The following TMEM209 variants were observed in gnomAD, a reference collection of about 807,000 sequenced individuals.
TMEM209 encodes transmembrane protein 209.
Under a neutral mutation model 76.2 loss-of-function variants are expected in TMEM209, and 65 were observed. The ratio of observed to expected loss-of-function variants is 0.85; its 90% CI spans 0.70 to 1.05. The LOEUF is 1.05. Among genes scored for constraint, TMEM209 ranks in the 50% least tolerant of loss-of-function variants. TMEM209 has a pLI of 0.00. For synonymous variants in TMEM209, 239 were observed against 237.6 expected (o/e 1.01, Z -0.06); for missense variants, 623 against 685.5 (o/e 0.91, Z 1.02).
chr7:130,170,495 C>A (rs1395740014), intron 13 of TMEM209, 22 bp from the exon 14 acceptor site: 1 of 1,596,152 alleles, frequency 6.3e-7, no homozygotes, highest in African/African-American at 1.3e-5. Context: ...ACAAAAAAGA[C>A]AAGATTTAAA....
At chr7:130,200,166 T>A (rs1240090442) in intron 5 of TMEM209, among the ~76,000 whole-genome samples, 1 of 151,896 alleles carries the variant, frequency 6.6e-6, no homozygotes, top group Non-Finnish European at 1.5e-5. Flanking sequence ...TATATATATA[T>A]TAAACTCTAT....
intron 6 of TMEM209, among the ~76,000 whole-genome samples, chr7:130,187,721 G>C (rs1178251687): frequency 6.6e-6 from 1 of 151,558 alleles, no homozygotes; most frequent in Admixed American, 6.6e-5. Flanking sequence ...CATGGGTTTA[G>C]AGTGCCCATT....
intron 9 of TMEM209, among the ~76,000 whole-genome samples, chr7:130,178,824 G>A (rs1158374332): frequency 6.6e-6 from 1 of 152,000 alleles, no homozygotes; most frequent in African/African-American, 2.4e-5. Flanking sequence ...CACCCACGCT[G>A]GAGTATAGCG....
intron 10 of TMEM209, among the ~76,000 whole-genome samples, chr7:130,177,997 G>A (rs1047154985): frequency 1.3e-5 from 2 of 152,092 alleles, no homozygotes; most frequent in African/African-American, 4.8e-5. Flanking sequence ...GGTGTATGGG[G>A]GTGTCAGGGA....
At position 130,203,836 on chromosome 7, in the gene TMEM209, AT is replaced by A; in HGVS notation, c.150del (p.Lys50AsnfsTer2). On this transcript the variant is annotated frameshift_variant, in exon 3 of 15. Coordinates refer to ENST00000397622, the MANE Select transcript of TMEM209 (RefSeq NM_032842.4). LOFTEE classifies it high-confidence loss of function. ...AGMIYTEMTG[K>X]LISSYYNVTY... is the part of the protein sequence containing the mutation. ...GTCACATTGTAGTATGAACTAATCAATTTTCCAGTCCTGAAAAAAAATTAGA... is the reference window on the plus strand; with the variant it reads ...GTCACATTGTAGTATGAACTAATCAATTTCCAGTCCTGAAAAAAAATTAGA... 6.3e-7 allele frequency: 1 copy of A among 1,598,310 alleles called. No homozygotes were observed. Among genetic ancestry groups the A allele is most frequent in the Non-Finnish European group, 8.5e-7 (1 of 1,173,368 alleles).
intron 11 of TMEM209, among the ~76,000 whole-genome samples, chr7:130,174,211 A>G (rs1203374060): frequency 6.6e-6 from 1 of 152,224 alleles, no homozygotes; most frequent in African/African-American, 2.4e-5. Flanking sequence ...TCCTCTCTTA[A>G]ATCATAAAGG....
chr7:130,188,361 C>T (rs1797672179), intron 6 of TMEM209, among the ~76,000 whole-genome samples: 1 of 152,068 alleles, frequency 6.6e-6, no homozygotes, highest in Non-Finnish European at 1.5e-5. Context: ...CTTTGGGAGG[C>T]CAAGGCGGGC....
At chr7:130,170,131 G>A (rs985039965) in intron 14 of TMEM209, among the ~76,000 whole-genome samples, 22 of 152,206 alleles carry the variant, frequency 1.4e-4, no homozygotes, top group African/African-American at 4.8e-4. Flanking sequence ...AACGGCAAGA[G>A]TCTAATTTTT....
At chr7:130,198,984 T>C (rs563501886) in intron 5 of TMEM209, among the ~76,000 whole-genome samples, 53 of 152,234 alleles carry the variant, frequency 3.5e-4, no homozygotes, top group Non-Finnish European at 2.2e-4. Context: ...GCTAAAGTCT[T>C]CCAATACAAT....
At chr7:130,181,928 TTAAC>T (rs1173316918) in intron 8 of TMEM209, 7 of 444,718 alleles carry the variant, frequency 1.6e-5, no homozygotes, top group South Asian at 1.4e-4. Flanking sequence ...GGAGTGTAAA[TTAAC>T]TAACTTACAT....
At position 130,185,246 on chromosome 7, in the gene TMEM209, G is replaced by C. The variant is rs1474796986; in HGVS notation, c.897C>G (p.Ala299=). 6 of 1,613,640 alleles carry C rather than the reference G, an allele frequency of 3.7e-6. No individual in the cohort carries two copies. In the African/African-American group the frequency reaches 6.7e-5, roughly 18 times the overall value. ...FQYQLACRSQ[A]PCANKDEADL... is the part of the protein sequence containing the mutation. Reference sequence around the variant, plus strand: ...CGGCTTCATCTTTGTTAGCACATGGGGCCTGAGACCTACAGGCAAGCTGAT... The same window carrying C: ...CGGCTTCATCTTTGTTAGCACATGGCGCCTGAGACCTACAGGCAAGCTGAT... Residue 299 remains alanine (A), a synonymous_variant, in exon 7 of 15, where the codon GCC becomes GCG. Coordinates refer to ENST00000397622, the MANE Select transcript of TMEM209 (RefSeq NM_032842.4).
chr7:130,193,694 TAAA>T (rs998041627), intron 5 of TMEM209, among the ~76,000 whole-genome samples: 1 of 150,700 alleles, frequency 6.6e-6, no homozygotes, highest in African/African-American at 2.4e-5. Context: ...TGGCGGCAAT[TAAA>T]AAAAAACACT....
intron 5 of TMEM209, among the ~76,000 whole-genome samples, chr7:130,198,185 G>T (rs1372572925): frequency 6.6e-6 from 1 of 152,014 alleles, no homozygotes; most frequent in Non-Finnish European, 1.5e-5. Context: ...TTTGTGACTG[G>T]TTTCTTTCAT....
At chr7:130,197,362 T>A (rs142220648) in intron 5 of TMEM209, among the ~76,000 whole-genome samples, 2 of 152,184 alleles carry the variant, frequency 1.3e-5, no homozygotes, top group African/African-American at 4.8e-5. Context: ...GCTAGTGAAA[T>A]AGGCCAGTTA....
intron 14 of TMEM209, among the ~76,000 whole-genome samples, chr7:130,167,062 C>T (rs1393606865): frequency 2.0e-5 from 3 of 151,972 alleles, no homozygotes; most frequent in Admixed American, 1.3e-4. Flanking sequence ...AGAAATTACT[C>T]ACCTAACAAA....
chr7:130,200,504 A>G (rs1320099551), intron 5 of TMEM209, among the ~76,000 whole-genome samples: 2 of 152,174 alleles, frequency 1.3e-5, no homozygotes, highest in Non-Finnish European at 1.5e-5. Flanking sequence ...AAGTTTTTTT[A>G]TAAATGAAAA....
intron 8 of TMEM209, 82 bp downstream of exon 8, chr7:130,184,102 T>A (rs2116996972): frequency 1.1e-6 from 1 of 932,332 alleles, no homozygotes; most frequent in South Asian, 1.7e-5. Context: ...TAATTTATAA[T>A]GAACTCTAAA....
rs925910316 is a variant in TMEM209 at position 130,166,261 on chromosome 7, G to A, written c.*190C>T. 6 of 397,980 alleles carry A rather than the reference G, an allele frequency of 1.5e-5. No homozygotes were observed. Among genetic ancestry groups the A allele is most frequent in the Admixed American group, 4.5e-5 (1 of 22,400 alleles). 24.7% of individuals were successfully genotyped at this position (397,980 alleles called of 1,614,324 possible). On this transcript the variant is annotated 3_prime_UTR_variant, in exon 15 of 15. Coordinates refer to ENST00000397622, the MANE Select transcript of TMEM209 (RefSeq NM_032842.4). Reference sequence around the variant, plus strand: ...GATATAAAATTAAAGGCAATGTCTCGATATAGAAGATACGGGACATATTTT... The same window carrying A: ...GATATAAAATTAAAGGCAATGTCTCAATATAGAAGATACGGGACATATTTT...
intron 3 of TMEM209, 28 bp downstream of exon 3, chr7:130,203,760 T>A: frequency 6.4e-7 from 1 of 1,569,260 alleles, no homozygotes; most frequent in South Asian, 1.2e-5. Flanking sequence ...TTGGTAAATG[T>A]AAGTTACAGT....
Sources: gnomAD v4.1 joint callset for allele counts (sites outside exome capture counted in the v4.1 genomes callset) on GRCh38, gnomAD v4.1.1 for gene constraint, MANE v1.5 for transcripts, NCBI Gene and HGNC (gene_info 2026-07-23, HGNC 2026-07-21) for gene names.